Variants in DHRS1 observed in about 807,000 individuals in gnomAD.
DHRS1 encodes dehydrogenase/reductase SDR family member 1.
In DHRS1, 34 loss-of-function variants were observed where a neutral mutation model predicts 35.2. That is an observed-to-expected ratio of 0.97 (90% CI 0.74 to 1.29). DHRS1 has a LOEUF of 1.29. DHRS1 is among the 50% of genes most tolerant of loss of function. The pLI, the probability that DHRS1 is intolerant of heterozygous loss-of-function variation, is 0.00. For synonymous variants in DHRS1, 133 were observed against 160.0 expected (o/e 0.83, Z 1.27); for missense variants, 354 against 403.6 (o/e 0.88, Z 1.05).
intron 2 of DHRS1, 120 bp from the exon 3 acceptor site, chr14:24,297,001 C>A: frequency 7.2e-7 from 1 of 1,379,474 alleles, no homozygotes; most frequent in Non-Finnish European, 1.0e-6. Context: ...GAGCCTGCTG[C>A]AGAGGCAACA....
rs2041184037 is a variant in DHRS1 at position 24,292,711 on chromosome 14, A to C, written c.448T>G (p.Ser150Ala). 6 of 1,614,138 alleles carry C rather than the reference A, an allele frequency of 3.7e-6. No homozygotes were observed. Among genetic ancestry groups the C allele is most frequent in the Non-Finnish European group, 3.4e-6 (4 of 1,180,034 alleles). The change falls in exon 5 of 9, where the codon TCC becomes GCC. Residue 150 changes from serine (S) to alanine (A), a missense_variant. Ser to Ala is a moderately conservative substitution (Grantham distance 99, BLOSUM62 1). Transcript: ENST00000288111. Reference sequence around the variant, plus strand: ...ATATACTGCAGGCTTCCTGGGGAGGAGATGACCACGATGAGCCCCTGGCCA... The same window carrying C: ...ATATACTGCAGGCTTCCTGGGGAGGCGATGACCACGATGAGCCCCTGGCCA... ...PAGQGLIVVI[S>A]SPGSLQYMFN...
chr14:24,293,459 A>C (rs1372386841), intron 4 of DHRS1: 1 of 152,122 alleles, frequency 6.6e-6, no homozygotes, highest in Admixed American at 6.6e-5. Context: ...CTATAGTCCC[A>C]GCTACTCGGG....
chr14:24,299,323 C>A, intron 1 of DHRS1, 193 bp from the exon 2 acceptor site: 1 of 553,970 alleles, frequency 1.8e-6, no homozygotes, highest in Non-Finnish European at 3.2e-6. Flanking sequence ...TTTGGGAGGC[C>A]CAGAGAGTGA....
chr14:24,292,488 C>T, intron 5 of DHRS1, 158 bp from the exon 6 acceptor site: 1 of 1,483,308 alleles, frequency 6.7e-7, no homozygotes, highest in Non-Finnish European at 9.2e-7. Flanking sequence ...CCTACTCTAG[C>T]CAACCAAGAG....
Position 24,299,061 on chromosome 14 carries a change from A to G in DHRS1, c.46T>C (p.Ser16Pro), listed in dbSNP as rs757407969. ...NGQVCVVTGA[S>P]RGIGRGIALQ... Reference sequence around the variant, plus strand: ...GCAATGCCACGGCCAATACCCCTGGAGGCACCAGTCACCACACACACTTGG... The same window carrying G: ...GCAATGCCACGGCCAATACCCCTGGGGGCACCAGTCACCACACACACTTGG... Residue 16 changes from serine (S) to proline (P), a missense_variant, in exon 2 of 9, where the codon TCC becomes CCC. Transcript: ENST00000288111. The G allele has an allele frequency of 6.2e-7, 1 of 1,614,106 alleles. No individual in the cohort carries two copies. The highest frequency in any genetic ancestry group is 8.5e-7 in the Non-Finnish European group (1 of 1,179,970).
intron 4 of DHRS1, chr14:24,293,993 G>A (rs2041206233): frequency 6.6e-6 from 1 of 152,106 alleles, no homozygotes; most frequent in Admixed American, 6.6e-5. Flanking sequence ...AATCAGTGGG[G>A]GAAAGTTGGA....
In DHRS1 at chr14:24,296,821, C is replaced by T; in HGVS notation, c.211G>A (p.Val71Met). 6.2e-7 allele frequency: 1 copy of T among 1,614,240 alleles called. No individual in the cohort carries two copies. The highest frequency in any genetic ancestry group is 8.5e-7 in the Non-Finnish European group (1 of 1,180,046). Residue 71 changes from valine to methionine, a missense_variant, in exon 3 of 9, where the codon GTG (valine) becomes ATG (methionine). Val to Met is a conservative substitution (Grantham distance 21). Transcript: ENST00000288111. ...TCCACTTGCTCAAACAGGCTTCGCA[C>T]TTCACTCTCCTGGCTTGAATCGCAC... ...VVCDSSQESE[V>M]RSLFEQVDRE...
intron 7 of DHRS1, 36 bp from the exon 8 acceptor site, chr14:24,291,255 G>T: frequency 6.2e-7 from 1 of 1,604,772 alleles, no homozygotes; most frequent in Non-Finnish European, 8.5e-7. Flanking sequence ...TGGCAGGCAG[G>T]GGAGTATGCA....
chr14:24,292,353 G>T (rs2041174162), intron 5 of DHRS1, 23 bp from the exon 6 acceptor site: 6 of 1,612,922 alleles, frequency 3.7e-6, no homozygotes, highest in Non-Finnish European at 5.1e-6. Context: ...GGAAGGCAGG[G>T]TAAGAGCCAC....
Position 24,291,678 on chromosome 14 carries a change from G to A in DHRS1, c.655-53C>T, listed in dbSNP as rs561159630. 2.0e-5 allele frequency: 31 copies of A among 1,539,180 alleles called. No individual in the cohort carries two copies. In the East Asian group the frequency reaches 6.3e-4, roughly 31 times the overall value. On this transcript the variant is annotated intron_variant, in intron 6 of 8. Transcript: ENST00000288111. ...GGTTAATTTCCAAGAGCACTGCCCA[G>A]GTCTCCTCCCCATTTCAACTTCTGT...
At chr14:24,291,453 A>G in intron 7 of DHRS1, 103 bp downstream of exon 7, 1 of 1,296,894 alleles carries the variant, frequency 7.7e-7, no homozygotes, top group South Asian at 1.2e-5. Context: ...GAAAAGAATG[A>G]CATGTTCCTC....
chr14:24,299,287 G>C, intron 1 of DHRS1, 157 bp from the exon 2 acceptor site: 1 of 654,776 alleles, frequency 1.5e-6, no homozygotes, highest in South Asian at 2.1e-5. Context: ...AACTGGGTGC[G>C]GGCCTGAGGA....
rs1383805774 is a variant in DHRS1 at position 24,296,807 on chromosome 14, A to T, written c.225T>A (p.Phe75Leu). The T allele has an allele frequency of 1.2e-6, 2 of 1,614,102 alleles. No individual in the cohort carries two copies. Among genetic ancestry groups the T allele is most frequent in the Non-Finnish European group, 1.7e-6 (2 of 1,180,046 alleles). ...CTTGCTGTTCCCGATCCACTTGCTC[A>T]AACAGGCTTCGCACTTCACTCTCCT... ...SSQESEVRSL[F>L]EQVDREQQGR... Residue 75 changes from phenylalanine (F) to leucine (L), a missense_variant, in exon 3 of 9, where the codon TTT becomes TTA. Coordinates refer to ENST00000288111, the MANE Select transcript of DHRS1 (RefSeq NM_001136050.3).
chr14:24,296,588 T>C lies in DHRS1; in HGVS notation c.295A>G (p.Thr99Ala), dbSNP rs1276740293. The C allele has an allele frequency of 1.2e-6, 2 of 1,613,756 alleles. No individual in the cohort carries two copies. The highest frequency in any genetic ancestry group is 1.7e-6 in the Non-Finnish European group (2 of 1,179,982). The change falls in exon 4 of 9, where the codon ACG becomes GCG. Residue 99 changes from threonine to alanine, a missense_variant and splice_region_variant. Thr to Ala is a moderately conservative substitution (Grantham distance 58). Coordinates refer to ENST00000288111, the MANE Select transcript of DHRS1 (RefSeq NM_001136050.3). Reference sequence around the variant, plus strand: ...GCCTTATTCCTGGTGTTCAGGATCGTCTGGAAGGCACAGGGAGGGTGATGA... The same window carrying C: ...GCCTTATTCCTGGTGTTCAGGATCGCCTGGAAGGCACAGGGAGGGTGATGA... ...LVNNAYAGVQ[T>A]ILNTRNKAFW...
intron 2 of DHRS1, 103 bp downstream of exon 2, chr14:24,298,854 G>A: frequency 8.1e-7 from 1 of 1,230,714 alleles, no homozygotes; most frequent in Non-Finnish European, 1.1e-6. Context: ...ACATCTTGTT[G>A]AGTAGTATTA....
intron 5 of DHRS1, 111 bp downstream of exon 5, chr14:24,292,541 A>T (rs2041179235): frequency 6.3e-7 from 1 of 1,577,198 alleles, no homozygotes; most frequent in African/African-American, 1.4e-5. Context: ...GCAGAGGAGG[A>T]GCTGAGAGGA....
chr14:24,299,472 C>T (rs868222320), intron 1 of DHRS1, 109 bp downstream of exon 1: 6 of 226,034 alleles, frequency 2.7e-5, no homozygotes, highest in African/African-American at 1.1e-4. Flanking sequence ...AAGCTCCGGT[C>T]CCTGGCCTGA....
At chr14:24,291,432 C>CA in intron 7 of DHRS1, 124 bp downstream of exon 7, 2 of 1,216,444 alleles carry the variant, frequency 1.6e-6, no homozygotes, top group Non-Finnish European at 2.4e-6. Context: ...CCTTGGGCCT[C>CA]AAAAAGCAGA....
intron 2 of DHRS1, chr14:24,298,677 A>T (rs1226977734): frequency 3.0e-6 from 1 of 336,590 alleles, no homozygotes; most frequent in African/African-American, 2.1e-5. Context: ...CCTAGGCTCA[A>T]GCGATCCTCC....
Sources: allele counts gnomAD v4.1 joint callset, GRCh38; gene constraint gnomAD v4.1.1; transcripts MANE v1.5; gene names NCBI Gene and HGNC (gene_info 2026-07-23, HGNC 2026-07-21).